HCN1: variants seen among roughly 807,000 people sequenced by gnomAD.
HCN1 encodes the protein hyperpolarization activated cyclic nucleotide gated potassium channel 1.
Under a neutral mutation model 78.9 loss-of-function variants are expected in HCN1, and 13 were observed. That is an observed-to-expected ratio of 0.16 (90% CI 0.11 to 0.26). HCN1 has a LOEUF of 0.26. Among genes scored for constraint, HCN1 ranks in the 10% least tolerant of loss-of-function variants. HCN1 has a pLI of 1.00. For synonymous variants in HCN1, 552 were observed against 455.5 expected (o/e 1.21, Z -2.70); for missense variants, 810 against 1,154.3 (o/e 0.70, Z 4.32).
chr5:45,634,921 A>G (rs1323164353), intron 2 of HCN1, among the ~76,000 whole-genome samples: 2 of 152,084 alleles, frequency 1.3e-5, no homozygotes, highest in Non-Finnish European at 2.9e-5. Flanking sequence ...ATGAAGAACC[A>G]CTTCCCACAC....
intron 4 of HCN1, among the ~76,000 whole-genome samples, chr5:45,375,209 A>AATATATAATGTATT (rs1747588788): frequency 1.8e-5 from 2 of 109,796 alleles, no homozygotes; most frequent in African/African-American, 3.4e-5. Context: ...AATATTTTAT[A>AATATATAATGTATT]ATATATAATA....
intron 4 of HCN1, among the ~76,000 whole-genome samples, chr5:45,372,070 T>G (rs1215048142): frequency 1.9e-5 from 1 of 53,992 alleles, no homozygotes; most frequent in Admixed American, 3.4e-4. Flanking sequence ...TTATATTATA[T>G]ATTATATATA....
chr5:45,500,171 T>TA lies in HCN1; in HGVS notation c.850-38165dup, dbSNP rs963103240. On this transcript the variant is annotated intron_variant, in intron 2 of 7. Coordinates refer to ENST00000303230, the MANE Select transcript of HCN1 (RefSeq NM_021072.4). ...TGACATTTAAAGAATTTGGGTAATT[T>TA]AAAAAAAATAATTTTTCTTATTTTA... Among the ~76,000 whole-genome samples the TA allele has an allele frequency of 9.2e-5, 14 of 151,960 alleles. No individual in the cohort carries two copies. In the East Asian group the frequency reaches 1.4e-3, roughly 15 times the overall value.
chr5:45,597,845 T>C (rs1162679378), intron 2 of HCN1, among the ~76,000 whole-genome samples: 1 of 152,048 alleles, frequency 6.6e-6, no homozygotes, highest in East Asian at 1.9e-4. Context: ...TACCTAGGAA[T>C]CTAACTTACA....
At chr5:45,576,981 A>T (rs1486804895) in intron 2 of HCN1, among the ~76,000 whole-genome samples, 1 of 151,980 alleles carries the variant, frequency 6.6e-6, no homozygotes, top group Non-Finnish European at 1.5e-5. Context: ...CTTTTTATAA[A>T]TGTTTTTGAT....
intron 6 of HCN1, among the ~76,000 whole-genome samples, chr5:45,294,072 T>C (rs1183198496): frequency 6.6e-6 from 1 of 152,012 alleles, no homozygotes. Context: ...AAATTGTTAA[T>C]TTGATTAACT....
At chr5:45,346,694 G>A (rs1746722168) in intron 5 of HCN1, among the ~76,000 whole-genome samples, 2 of 152,172 alleles carry the variant, frequency 1.3e-5, no homozygotes, top group Non-Finnish European at 2.9e-5. Context: ...CTTAAAAACC[G>A]GCACACCAGG....
chr5:45,430,636 G>A (rs1200739677), intron 3 of HCN1, among the ~76,000 whole-genome samples: 1 of 152,022 alleles, frequency 6.6e-6, no homozygotes, highest in Non-Finnish European at 1.5e-5. Flanking sequence ...TTTTATGGAT[G>A]TGTAGTATCC....
intron 5 of HCN1, among the ~76,000 whole-genome samples, chr5:45,327,840 G>T (rs910129791): frequency 6.6e-6 from 1 of 151,702 alleles, no homozygotes; most frequent in East Asian, 1.9e-4. Context: ...TGCAAATCAA[G>T]GAGAGAAGCC....
At chr5:45,290,614 A>G (rs964380889) in intron 6 of HCN1, among the ~76,000 whole-genome samples, 1 of 152,068 alleles carries the variant, frequency 6.6e-6, no homozygotes, top group Non-Finnish European at 1.5e-5. Flanking sequence ...GGATTAGTTA[A>G]TTTAATTTTA....
chr5:45,433,203 C>T (rs777651001), intron 3 of HCN1, among the ~76,000 whole-genome samples: 46 of 152,064 alleles, frequency 3.0e-4, no homozygotes, highest in Non-Finnish European at 6.2e-4. Context: ...ACCTTGCAAC[C>T]CAGGAATAAA....
chr5:45,667,096 C>T (rs1746065001), intron 1 of HCN1, among the ~76,000 whole-genome samples: 1 of 151,954 alleles, frequency 6.6e-6, no homozygotes, highest in Admixed American at 6.6e-5. Flanking sequence ...AGAGGAAGAG[C>T]CATGGAACTC....
chr5:45,315,216 C>T (rs1256278699), intron 5 of HCN1, among the ~76,000 whole-genome samples: 2 of 152,212 alleles, frequency 1.3e-5, no homozygotes, highest in African/African-American at 4.8e-5. Context: ...CAAACTGTCT[C>T]TCGGACCACA....
At chr5:45,648,042 A>G (rs1197334412) in intron 1 of HCN1, among the ~76,000 whole-genome samples, 1 of 152,178 alleles carries the variant, frequency 6.6e-6, no homozygotes, top group Non-Finnish European at 1.5e-5. Context: ...TACAGAGCCA[A>G]ATATACAGGG....
chr5:45,607,893 G>A (rs935411088), intron 2 of HCN1, among the ~76,000 whole-genome samples: 3 of 151,540 alleles, frequency 2.0e-5, no homozygotes, highest in Non-Finnish European at 4.4e-5. Flanking sequence ...CTGTGCAACA[G>A]ACATTAAAAT....
At chr5:45,572,474 C>G (rs1210544368) in intron 2 of HCN1, among the ~76,000 whole-genome samples, 4 of 152,110 alleles carry the variant, frequency 2.6e-5, no homozygotes, top group African/African-American at 9.7e-5. Context: ...GATTCACACA[C>G]TTGGAAAATA....
chr5:45,580,611 A>T (rs1481639074), intron 2 of HCN1, among the ~76,000 whole-genome samples: 1 of 152,194 alleles, frequency 6.6e-6, no homozygotes, highest in East Asian at 1.9e-4. Flanking sequence ...ATGTGTATAC[A>T]TGTGCCATGT....
intron 2 of HCN1, among the ~76,000 whole-genome samples, chr5:45,511,844 T>A (rs1742422976): frequency 1.3e-5 from 2 of 152,056 alleles, no homozygotes; most frequent in South Asian, 4.1e-4. Flanking sequence ...GGTTCGTTAG[T>A]TCGTCAGATG....
intron 2 of HCN1, among the ~76,000 whole-genome samples, chr5:45,618,026 T>A (rs966578554): frequency 2.2e-5 from 3 of 136,872 alleles, no homozygotes; most frequent in Non-Finnish European, 5.1e-5. Flanking sequence ...CAGGAGCTCA[T>A]TATACTAGAA....
Sources: allele counts gnomAD v4.1 joint callset (sites outside exome capture counted in the v4.1 genomes callset), GRCh38; gene constraint gnomAD v4.1.1; transcripts MANE v1.5; gene names NCBI Gene and HGNC (gene_info 2026-07-23, HGNC 2026-07-21).